Variants in AUTS2 observed in about 807,000 individuals in gnomAD.
AUTS2 encodes the protein activator of transcription and developmental regulator AUTS2.
A neutral mutation model predicts 112.4 loss-of-function variants in AUTS2; 17 were observed. The ratio of observed to expected loss-of-function variants is 0.15; its 90% CI spans 0.10 to 0.23. AUTS2 has a LOEUF of 0.23. Ranked by LOEUF, AUTS2 falls within the 10% of genes least tolerant of loss-of-function variation. The probability of loss-of-function intolerance (pLI) is 1.00; values close to 1 mark genes in which losing one functional copy is unlikely to be tolerated. For synonymous variants in AUTS2, 751 were observed against 702.7 expected, an observed-to-expected ratio of 1.07 and a Z score of -1.09; for missense variants, 1,510 against 1,701.6, an observed-to-expected ratio of 0.89 and a Z score of 1.98.
rs144104857 is a variant in AUTS2, at chr7:69,766,486, A to G, written c.310-132800A>G. 3.9e-3 allele frequency among the ~76,000 whole-genome samples: 589 copies of G among 152,316 alleles called. 6 individuals are homozygous for G. The highest frequency in any genetic ancestry group is 0.01 in the African/African-American group (434 of 41,586). ...ACCCAAAGTGGAATTACTGGATCATATGGTAATTCTATTTTTATTTTTTTG... is the reference window on the plus strand; with the variant it reads ...ACCCAAAGTGGAATTACTGGATCATGTGGTAATTCTATTTTTATTTTTTTG... On this transcript the variant is annotated intron_variant, in intron 1 of 18. Coordinates refer to ENST00000342771, the MANE Select transcript of AUTS2 (RefSeq NM_015570.4).
intron 5 of AUTS2, among the ~76,000 whole-genome samples, chr7:70,559,052 T>C (rs1801369851): frequency 6.6e-6 from 1 of 152,180 alleles, no homozygotes; most frequent in Non-Finnish European, 1.5e-5. Flanking sequence ...GGGTCTTTCC[T>C]GTGCTGTTCT....
intron 1 of AUTS2, among the ~76,000 whole-genome samples, chr7:69,750,309 G>A (rs1164254362): frequency 6.6e-6 from 1 of 151,420 alleles, no homozygotes; most frequent in Non-Finnish European, 1.5e-5. Context: ...GACAAATATT[G>A]ATTGCCTTTC....
intron 4 of AUTS2, among the ~76,000 whole-genome samples, chr7:70,161,359 G>C (rs969108023): frequency 7.9e-5 from 12 of 151,366 alleles, no homozygotes; most frequent in Non-Finnish European, 2.9e-5. Context: ...TTAAATATGC[G>C]ACACTGGTCT....
intron 1 of AUTS2, among the ~76,000 whole-genome samples, chr7:69,897,650 C>T (rs1454751960): frequency 1.3e-5 from 2 of 151,470 alleles, no homozygotes; most frequent in Non-Finnish European, 2.9e-5. Flanking sequence ...CCCAGCTACT[C>T]GGGAGGCTGA....
At chr7:70,147,734 TCTC>T (rs752282770) in intron 4 of AUTS2, among the ~76,000 whole-genome samples, 1 of 152,074 alleles carries the variant, frequency 6.6e-6, no homozygotes, top group Non-Finnish European at 1.5e-5. Context: ...ACAAAATAAA[TCTC>T]CTATTGCACT....
chr7:69,958,774 G>A (rs550004502), intron 2 of AUTS2, among the ~76,000 whole-genome samples: 26 of 152,266 alleles, frequency 1.7e-4, no homozygotes, highest in African/African-American at 6.0e-4. Context: ...CGGTAGGCCT[G>A]AGGAAGGCCT....
chr7:70,537,933 CAT>C (rs747926579), intron 5 of AUTS2, among the ~76,000 whole-genome samples: 1 of 152,202 alleles, frequency 6.6e-6, no homozygotes, highest in East Asian at 1.9e-4. Flanking sequence ...ACAGCCATGA[CAT>C]GTGGGCTTTG....
At chr7:69,637,802 G>C (rs1055398869) in intron 1 of AUTS2, among the ~76,000 whole-genome samples, 4 of 152,300 alleles carry the variant, frequency 2.6e-5, no homozygotes, top group Admixed American at 6.5e-5. Context: ...TGTATCAGGG[G>C]TGGCCTTGGA....
chr7:70,537,650 G>C (rs1410547795), intron 5 of AUTS2, among the ~76,000 whole-genome samples: 1 of 152,158 alleles, frequency 6.6e-6, no homozygotes, highest in Non-Finnish European at 1.5e-5. Flanking sequence ...TAACCCTTAA[G>C]TGAGAAGTAG....
chr7:70,164,832 A>G (rs1808297510), intron 4 of AUTS2, among the ~76,000 whole-genome samples: 1 of 152,076 alleles, frequency 6.6e-6, no homozygotes. Context: ...AAAAATTATG[A>G]CATAGACACA....
chr7:70,495,235 TAAAAAAAAA>T (rs34861688), intron 5 of AUTS2, among the ~76,000 whole-genome samples: 1 of 102,744 alleles, frequency 9.7e-6, no homozygotes, highest in African/African-American at 3.7e-5. Context: ...ACCTTTTCTT[TAAAAAAAAA>T]AAAAAAAAAA....
intron 1 of AUTS2, among the ~76,000 whole-genome samples, chr7:69,833,511 C>A (rs1791589683): frequency 6.6e-6 from 1 of 152,118 alleles, no homozygotes; most frequent in Non-Finnish European, 1.5e-5. Flanking sequence ...TCTTGGCTCA[C>A]TGCAACCTCG....
rs558921044 is a variant in AUTS2 at position 70,429,034 on chromosome 7, G to C, written c.661-6718G>C. Among the ~76,000 whole-genome samples, 16 of 152,234 alleles carry C rather than the reference G, an allele frequency of 1.1e-4. No homozygotes were observed. The South Asian group carries it at 3.3e-3, about 32-fold the overall frequency. On this transcript the variant is annotated intron_variant, in intron 4 of 18. Coordinates refer to ENST00000342771, the MANE Select transcript of AUTS2 (RefSeq NM_015570.4). ...TTTAATGGAAGATATTTTCTTCTGG[G>C]CCCCAACTCTAGGCTCTGCTAACGA...
chr7:69,919,491 C>T (rs1340921672), intron 2 of AUTS2, among the ~76,000 whole-genome samples: 1 of 152,108 alleles, frequency 6.6e-6, no homozygotes, highest in Non-Finnish European at 1.5e-5. Flanking sequence ...AGGAAGGGGG[C>T]AGTTTTATTG....
At chr7:70,476,674 G>T (rs1276965197) in intron 5 of AUTS2, among the ~76,000 whole-genome samples, 2 of 152,178 alleles carry the variant, frequency 1.3e-5, no homozygotes, top group African/African-American at 4.8e-5. Flanking sequence ...ACAAACAGGG[G>T]TTCAAATTCT....
intron 2 of AUTS2, among the ~76,000 whole-genome samples, chr7:69,907,563 TTTG>T (rs1181345595): frequency 6.6e-6 from 1 of 152,208 alleles, no homozygotes; most frequent in Non-Finnish European, 1.5e-5. Context: ...AGCTATGCAA[TTTG>T]TTATTATATT....
intron 2 of AUTS2, among the ~76,000 whole-genome samples, chr7:69,930,757 A>G (rs1796196479): frequency 6.6e-6 from 1 of 152,130 alleles, no homozygotes; most frequent in South Asian, 2.1e-4. Context: ...CAGTCTTGTC[A>G]GTTCTTACTT....
chr7:70,234,744 T>C (rs1812231426), intron 4 of AUTS2, among the ~76,000 whole-genome samples: 1 of 152,218 alleles, frequency 6.6e-6, no homozygotes, highest in African/African-American at 2.4e-5. Context: ...GTTGTGCTAA[T>C]GGAGGCCTAA....
At chr7:70,188,877 G>A (rs1010705995) in intron 4 of AUTS2, among the ~76,000 whole-genome samples, 6 of 151,110 alleles carry the variant, frequency 4.0e-5, no homozygotes, top group African/African-American at 1.5e-4. Flanking sequence ...GTGAGCCACC[G>A]CAACCGGCTG....
Sources: allele counts gnomAD v4.1 joint callset (sites outside exome capture counted in the v4.1 genomes callset), GRCh38; gene constraint gnomAD v4.1.1; transcripts MANE v1.5; gene names NCBI Gene and HGNC (gene_info 2026-07-23, HGNC 2026-07-21).